Variants in FAF1 observed in about 807,000 individuals in gnomAD.
The protein encoded by FAF1 is FAS-associated factor 1.
Under a neutral mutation model 92.5 loss-of-function variants are expected in FAF1, and 25 were observed. The observed-to-expected ratio is 0.27, with a 90% confidence interval of 0.20 to 0.38. FAF1 has a LOEUF of 0.38. Among genes scored for constraint, FAF1 ranks in the 10% least tolerant of loss-of-function variants. The pLI, the probability that FAF1 is intolerant of heterozygous loss-of-function variation, is 1.00. For missense variants in FAF1, 636 were observed against 793.3 expected, an observed-to-expected ratio of 0.80 and a Z score of 2.38; for synonymous variants, 234 against 273.2, an observed-to-expected ratio of 0.86 and a Z score of 1.42.
intron 4 of FAF1, among the ~76,000 whole-genome samples, chr1:50,761,196 A>G (rs1242706187): frequency 6.6e-6 from 1 of 152,254 alleles, no homozygotes; most frequent in Non-Finnish European, 1.5e-5. Context: ...GCAATAATCA[A>G]TAGCTTACCA....
chr1:50,647,956 G>T (rs1377835729), intron 8 of FAF1, among the ~76,000 whole-genome samples: 1 of 152,116 alleles, frequency 6.6e-6, no homozygotes, highest in Non-Finnish European at 1.5e-5. Flanking sequence ...CATAGGCAGG[G>T]TTTCTCAAAG....
At chr1:50,636,528 A>C (rs1306369627) in intron 8 of FAF1, among the ~76,000 whole-genome samples, 2 of 151,348 alleles carry the variant, frequency 1.3e-5, no homozygotes, top group African/African-American at 4.9e-5. Context: ...TAGGACTACT[A>C]TACTTTTAGT....
intron 13 of FAF1, among the ~76,000 whole-genome samples, chr1:50,560,311 A>G (rs976605173): frequency 3.9e-5 from 6 of 152,250 alleles, no homozygotes; most frequent in African/African-American, 1.4e-4. Flanking sequence ...GTGGAAAACT[A>G]TCACTTGAAT....
At chr1:50,741,651 T>C (rs981857998) in intron 5 of FAF1, among the ~76,000 whole-genome samples, 4 of 152,170 alleles carry the variant, frequency 2.6e-5, no homozygotes, top group African/African-American at 9.6e-5. Context: ...GCAACTGAAA[T>C]ACTAAAAAGT....
chr1:50,583,295 A>C lies in FAF1; in HGVS notation c.1031+357T>G, dbSNP rs1651072649. ...AAATTCACTTGGATTTAAAATGTTT[A>C]AAGTATTTTTAAATTTAATATTATT... On this transcript the variant is annotated intron_variant, in intron 11 of 18. Transcript: ENST00000396153. The surrounding 1 kb of genome is among the most constrained non-coding windows in gnomAD (Gnocchi z 4.2). Among the ~76,000 whole-genome samples the C allele has an allele frequency of 6.6e-6, 1 of 151,928 alleles. No individual in the cohort carries two copies. The highest frequency in any genetic ancestry group is 2.1e-4 in the South Asian group (1 of 4,822).
At chr1:50,953,187 G>A (rs1422054264) in intron 1 of FAF1, among the ~76,000 whole-genome samples, 3 of 152,170 alleles carry the variant, frequency 2.0e-5, no homozygotes, top group East Asian at 3.9e-4. Flanking sequence ...ACAGATGCTT[G>A]AAGGCAGCAT....
rs967828308 is a variant in FAF1, at chr1:50,857,942, T to C, written c.101A>G (p.Asn34Ser). 6.3e-7 allele frequency: 1 copy of C among 1,598,010 alleles called. No homozygotes were observed. The highest frequency in any genetic ancestry group is 8.5e-7 in the Non-Finnish European group (1 of 1,171,930). ...DEAITLLEQN[N>S]WDLVAAINGV... ...AAAAGTACTTACCACTAAGTCCCAA[T>C]TATTTTGTTCAAGCAATGTAATAGC... Residue 34 changes from asparagine (N) to serine (S), a missense_variant, in exon 2 of 19, where the codon AAT becomes AGT. Coordinates refer to ENST00000396153, the MANE Select transcript of FAF1 (RefSeq NM_007051.3).
intron 8 of FAF1, among the ~76,000 whole-genome samples, chr1:50,609,532 A>G (rs2124131079): frequency 6.6e-6 from 1 of 152,250 alleles, no homozygotes. Flanking sequence ...CTACAGGCAC[A>G]TGCCACCACA....
chr1:50,662,045 C>G (rs528636186), intron 7 of FAF1, among the ~76,000 whole-genome samples: 1 of 151,836 alleles, frequency 6.6e-6, no homozygotes, highest in South Asian at 2.1e-4. Context: ...TTTTTTTCTT[C>G]CCCCTTCCCC....
chr1:50,584,940 T>G (rs1651154632), intron 9 of FAF1, 129 bp from the exon 10 acceptor site: 2 of 825,738 alleles, frequency 2.4e-6, no homozygotes, highest in Non-Finnish European at 3.6e-6. Context: ...TTTGCTAGAG[T>G]AAAGCTTACT....
chr1:50,561,848 CGGAAGGAAGGAAGGAA>C lies in FAF1; in HGVS notation c.1268+5213_1268+5228del, dbSNP rs373578502. Among the ~76,000 whole-genome samples the C allele has an allele frequency of 8.3e-4, 107 of 128,546 alleles. 1 individual carries two copies. Among genetic ancestry groups the C allele is most frequent in the African/African-American group, 2.2e-3 (68 of 30,816 alleles). 84.3% of individuals were successfully genotyped at this position (128,546 alleles called of 152,430 possible). ...TAGGACAGACGGATGGACGGATGGACGGAAGGAAGGAAGGAAGGAAGGAAGGAAGGAAGGAAGGAAG... is the reference window on the plus strand; with the variant it reads ...TAGGACAGACGGATGGACGGATGGACGGAAGGAAGGAAGGAAGGAAGGAAG... On this transcript the variant is annotated intron_variant, in intron 13 of 18. Transcript: ENST00000396153.
intron 6 of FAF1, among the ~76,000 whole-genome samples, chr1:50,723,442 G>A (rs185542382): frequency 9.2e-5 from 14 of 151,848 alleles, no homozygotes; most frequent in East Asian, 1.9e-4. Context: ...ATTTGAAAGC[G>A]TCCTCAGCAT....
At chr1:50,941,526 T>C (rs2124754092) in intron 1 of FAF1, among the ~76,000 whole-genome samples, 1 of 152,244 alleles carries the variant, frequency 6.6e-6, no homozygotes, top group Middle Eastern at 3.4e-3. Context: ...CTCAGCTAAT[T>C]TTTCAAGTTT....
chr1:50,692,451 C>T (rs752747383), intron 7 of FAF1, among the ~76,000 whole-genome samples: 44 of 152,220 alleles, frequency 2.9e-4, no homozygotes, highest in Non-Finnish European at 5.9e-4. Flanking sequence ...CTCATTCCTA[C>T]CCGTCCACAC....
intron 18 of FAF1, among the ~76,000 whole-genome samples, chr1:50,442,588 G>C (rs1646182593): frequency 6.6e-6 from 1 of 152,210 alleles, no homozygotes; most frequent in South Asian, 2.1e-4. Context: ...GCAATCTCTA[G>C]TCAGGCCTGA....
chr1:50,836,402 T>C (rs930231851), intron 2 of FAF1, among the ~76,000 whole-genome samples: 3 of 152,034 alleles, frequency 2.0e-5, no homozygotes, highest in Non-Finnish European at 4.4e-5. Flanking sequence ...GGAAACAAAA[T>C]AATAAATAAG....
At chr1:50,886,496 C>A (rs1446793724) in intron 1 of FAF1, among the ~76,000 whole-genome samples, 2 of 152,006 alleles carry the variant, frequency 1.3e-5, no homozygotes, top group African/African-American at 4.8e-5. Flanking sequence ...GTCATTTACA[C>A]TAGCTATATC....
chr1:50,524,236 A>G (rs1387766332), intron 15 of FAF1, among the ~76,000 whole-genome samples: 1 of 152,010 alleles, frequency 6.6e-6, no homozygotes, highest in African/African-American at 2.4e-5. Flanking sequence ...CCACTTCTTA[A>G]TGGGGTTGTT....
At chr1:50,813,711 C>T (rs1013382140) in intron 2 of FAF1, among the ~76,000 whole-genome samples, 1 of 152,054 alleles carries the variant, frequency 6.6e-6, no homozygotes, top group Non-Finnish European at 1.5e-5. Flanking sequence ...GACTCTCTCG[C>T]CTTGACCTCC....
Sources: allele counts gnomAD v4.1 joint callset (sites outside exome capture counted in the v4.1 genomes callset), GRCh38; gene constraint gnomAD v4.1.1; non-coding constraint Gnocchi (gnomAD v3.1); transcripts MANE v1.5; gene names NCBI Gene and HGNC (gene_info 2026-07-23, HGNC 2026-07-21).